Variants in POMT2 observed in about 807,000 individuals in gnomAD.
The protein encoded by POMT2 is protein O-mannosyl-transferase 2.
A neutral mutation model predicts 100.0 loss-of-function variants in POMT2; 75 were observed. The ratio of observed to expected loss-of-function variants is 0.75; its 90% CI spans 0.62 to 0.91. The LOEUF is 0.91. Ranked by LOEUF, POMT2 falls within the 40% of genes least tolerant of loss-of-function variation. The pLI, the probability that POMT2 is intolerant of heterozygous loss-of-function variation, is 0.00. For synonymous variants in POMT2, 378 were observed against 374.1 expected (o/e 1.01, Z -0.12); for missense variants, 940 against 955.1 (o/e 0.98, Z 0.21).
chr14:77,299,313 A>G (rs888904341), intron 7 of POMT2, 142 bp downstream of exon 7: 6 of 746,648 alleles, frequency 8.0e-6, no homozygotes, highest in Non-Finnish European at 1.4e-5. Flanking sequence ...GATAGAACAT[A>G]GCAGGAAAGA....
chr14:77,289,709 T>C (rs1273178065), intron 10 of POMT2, among the ~76,000 whole-genome samples: 1 of 152,212 alleles, frequency 6.6e-6, no homozygotes, highest in Non-Finnish European at 1.5e-5. Context: ...ATCTTGTCTC[T>C]GGCAATAAAC....
At chr14:77,292,179 T>G (rs1162942980) in intron 9 of POMT2, among the ~76,000 whole-genome samples, 1 of 152,200 alleles carries the variant, frequency 6.6e-6, no homozygotes, top group Non-Finnish European at 1.5e-5. Flanking sequence ...ACAAAAAATC[T>G]GGAAACAGTA....
chr14:77,302,841 G>A lies in POMT2; in HGVS notation c.650C>T (p.Ala217Val). 1 of 1,611,000 alleles carries A rather than the reference G, an allele frequency of 6.2e-7. No homozygotes were observed. The highest frequency in any genetic ancestry group is 8.5e-7 in the Non-Finnish European group (1 of 1,177,334). The change falls in exon 5 of 21, where the codon GCC becomes GTC. Residue 217 changes from alanine (A) to valine (V), a missense_variant. Coordinates refer to ENST00000261534, the MANE Select transcript of POMT2 (RefSeq NM_013382.7). ...CGGGGATGGAGTTTCTGACCTGTCG[G>A]CGCAAGAGTTGTACTTGACCATGCT... The part of the protein sequence containing the change: ...MLSMVKYNSC[A>V]DRPFSAPWWF...
chr14:77,300,961 G>T, intron 6 of POMT2, 129 bp downstream of exon 6: 1 of 1,588,784 alleles, frequency 6.3e-7, no homozygotes, highest in Non-Finnish European at 8.6e-7. Context: ...AGGTTGGGGG[G>T]TCCAGCCCAC....
chr14:77,306,503 T>C (rs1891234559), intron 2 of POMT2, 62 bp from the exon 3 acceptor site: 6 of 1,579,384 alleles, frequency 3.8e-6, no homozygotes, highest in East Asian at 2.3e-5. Flanking sequence ...CTCTGTCCTC[T>C]GAACTTCCCT....
chr14:77,281,095 A>AAAATAAAT (rs145830278), intron 15 of POMT2, among the ~76,000 whole-genome samples: 4,440 of 144,672 alleles, frequency 0.031, 76 homozygotes, highest in East Asian at 0.087. Flanking sequence ...ACTCAGTCTC[A>AAAATAAAT]AAATAAATAA....
chr14:77,283,188 G>A (rs550125342), intron 15 of POMT2, among the ~76,000 whole-genome samples: 13 of 152,356 alleles, frequency 8.5e-5, no homozygotes, highest in African/African-American at 1.7e-4. Flanking sequence ...GAGTGGGCTC[G>A]TGGCTGGGAT....
chr14:77,278,338 G>A, intron 20 of POMT2, 56 bp downstream of exon 20: 1 of 1,333,270 alleles, frequency 7.5e-7, no homozygotes, highest in Non-Finnish European at 1.1e-6. Context: ...ATGCATCAGG[G>A]CTGAGGCACT....
chr14:77,288,270 AT>A (rs1387646696), intron 11 of POMT2, among the ~76,000 whole-genome samples: 1 of 152,202 alleles, frequency 6.6e-6, no homozygotes, highest in African/African-American at 2.4e-5. Flanking sequence ...TCTTTATATT[AT>A]TCCAGCATTT....
In POMT2 at chr14:77,280,432, T is replaced by C. The variant is rs369188153; in HGVS notation, c.1685A>G (p.Glu562Gly). ...CCAGTGCCAGGGTTTGGACGTGAAC[T>C]CATTGTCCTTGGGTTTGAGGCCACT... Reference protein sequence around the residue: ...GNSGLKPKDNEFTSKPWHWPI... With the variant: ...GNSGLKPKDNGFTSKPWHWPI... The change falls in exon 16 of 21, where the codon GAG becomes GGG. Residue 562 changes from glutamate (E) to glycine (G), a missense_variant. By Grantham distance (98) the Glu-to-Gly change is moderately conservative. Transcript: ENST00000261534. 6.2e-7 allele frequency: 1 copy of C among 1,614,144 alleles called. No homozygotes were observed. The highest frequency in any genetic ancestry group is 1.3e-5 in the African/African-American group (1 of 75,016).
chr14:77,313,967 C>G (rs528057756), intron 1 of POMT2, among the ~76,000 whole-genome samples: 279 of 152,336 alleles, frequency 1.8e-3, no homozygotes, highest in Non-Finnish European at 3.2e-3. Flanking sequence ...CCTCAGCCCC[C>G]CAAAGTGCTG....
At position 77,311,992 on chromosome 14, in the gene POMT2, A is replaced by T. The variant is rs1181953365; in HGVS notation, c.290T>A (p.Ile97Asn). The T allele has an allele frequency of 3.1e-6, 5 of 1,614,038 alleles. No homozygotes were observed. In the Admixed American group the frequency reaches 5.0e-5, roughly 16 times the overall value. ...THFGKMGSYY[I>N]NRTFFFDVHP... The stretch of plus-strand genomic sequence containing the variant: ...CACATCAAAGAAAAATGTACGGTTG[A>T]TATAGTAACTTCCCATTTTTCCAAA... Residue 97 changes from isoleucine (I) to asparagine (N), a missense_variant, in exon 2 of 21, where the codon ATC becomes AAC. Physicochemically the swap from Ile to Asn is moderately radical, Grantham distance 149. Transcript: ENST00000261534.
chr14:77,312,805 G>A (rs534338610), intron 1 of POMT2, among the ~76,000 whole-genome samples: 83 of 152,326 alleles, frequency 5.4e-4, no homozygotes, highest in African/African-American at 1.9e-3. Flanking sequence ...TCAGAGTTGA[G>A]TCTATAAACC....
chr14:77,294,450 T>A (rs780031019), intron 9 of POMT2, among the ~76,000 whole-genome samples: 2 of 152,206 alleles, frequency 1.3e-5, no homozygotes, highest in African/African-American at 4.8e-5. Flanking sequence ...GTCTCCTGAG[T>A]GGCTGGGATT....
At chr14:77,292,926 C>T (rs565578339) in intron 9 of POMT2, among the ~76,000 whole-genome samples, 1 of 152,150 alleles carries the variant, frequency 6.6e-6, no homozygotes, top group Non-Finnish European at 1.5e-5. Context: ...TGATGTTCAC[C>T]CAACGATCAA....
At chr14:77,294,340 G>A (rs771982717) in intron 9 of POMT2, among the ~76,000 whole-genome samples, 1 of 152,010 alleles carries the variant, frequency 6.6e-6, no homozygotes, top group Non-Finnish European at 1.5e-5. Flanking sequence ...TTTATTTTTT[G>A]AGATGGAGTC....
intron 8 of POMT2, among the ~76,000 whole-genome samples, chr14:77,297,155 A>G (rs2139464427): frequency 6.6e-6 from 1 of 152,326 alleles, no homozygotes; most frequent in East Asian, 1.9e-4. Context: ...AATGAGCAGG[A>G]ATTTGCTAAA....
intron 8 of POMT2, among the ~76,000 whole-genome samples, chr14:77,297,874 T>C (rs1000417413): frequency 6.6e-6 from 1 of 152,094 alleles, no homozygotes; most frequent in Admixed American, 6.6e-5. Flanking sequence ...CTCCCACCCA[T>C]GTCATCTCCC....
At chr14:77,317,969 A>G (rs1891690230) in intron 1 of POMT2, among the ~76,000 whole-genome samples, 1 of 152,352 alleles carries the variant, frequency 6.6e-6, no homozygotes, top group Admixed American at 6.5e-5. Context: ...GTGTCAAGGT[A>G]GAAGACATAA....
Sources: allele counts gnomAD v4.1 joint callset (sites outside exome capture counted in the v4.1 genomes callset), GRCh38; gene constraint gnomAD v4.1.1; transcripts MANE v1.5; gene names NCBI Gene and HGNC (gene_info 2026-07-23, HGNC 2026-07-21).